Variants in PAX5 observed in about 807,000 individuals in gnomAD.
The protein encoded by PAX5 is paired box 5.
PAX5 carries 9 observed loss-of-function variants against 43.7 expected under a neutral mutation model. The ratio of observed to expected loss-of-function variants is 0.21; its 90% CI spans 0.12 to 0.36. The LOEUF (loss-of-function observed/expected upper bound fraction) is 0.36. Among genes scored for constraint, PAX5 ranks in the 10% least tolerant of loss-of-function variants. The pLI is 1.00. For missense variants in PAX5, 383 were observed against 532.7 expected (o/e 0.72, Z 2.77); for synonymous variants, 228 against 214.3 (o/e 1.06, Z -0.56).
Position 36,880,183 on chromosome 9 carries a change from G to A in PAX5, c.1012+1821C>T, listed in dbSNP as rs114609621. ...TTCTGTGCCAGGATGTGGCCATAGG[G>A]GAGCCAGCCTAGCTAAGATCCGTCC... On this transcript the variant is annotated intron_variant, in intron 8 of 9. Coordinates refer to ENST00000358127, the MANE Select transcript of PAX5 (RefSeq NM_016734.3). Among the ~76,000 whole-genome samples the A allele has an allele frequency of 2.6e-3, 392 of 152,354 alleles. 1 individual carries two copies. Among genetic ancestry groups the A allele is most frequent in the African/African-American group, 9.1e-3 (377 of 41,578 alleles).
At chr9:36,861,633 C>T (rs1012644484) in intron 8 of PAX5, among the ~76,000 whole-genome samples, 7 of 151,742 alleles carry the variant, frequency 4.6e-5, no homozygotes, top group African/African-American at 1.7e-4. Flanking sequence ...GCCCTCTAAG[C>T]AGAAGGAACA....
At chr9:36,923,513 A>C in intron 6 of PAX5, 29 bp from the exon 7 acceptor site, 22 of 1,595,104 alleles carry the variant, frequency 1.4e-5, no homozygotes, top group Non-Finnish European at 1.8e-5. Context: ...ACGTCTCAGC[A>C]CCAAGACTCC....
intron 6 of PAX5, among the ~76,000 whole-genome samples, chr9:36,939,359 G>A (rs10973133): frequency 0.45 from 67,783 of 151,850 alleles, 17,053 homozygotes; most frequent in Non-Finnish European, 0.58. Context: ...TAGCCGTTTG[G>A]GCAGGGCTGA....
chr9:36,902,924 C>T (rs1828528612), intron 7 of PAX5, among the ~76,000 whole-genome samples: 1 of 152,204 alleles, frequency 6.6e-6, no homozygotes, highest in African/African-American at 2.4e-5. Flanking sequence ...TGCCCAGAGC[C>T]CTAAGTGCAG....
chr9:37,001,057 G>A (rs758088475), intron 5 of PAX5, among the ~76,000 whole-genome samples: 6 of 152,108 alleles, frequency 3.9e-5, no homozygotes, highest in East Asian at 1.9e-4. Flanking sequence ...GTCCTCCTCC[G>A]GGCATGATCT....
intron 8 of PAX5, among the ~76,000 whole-genome samples, chr9:36,849,956 C>T (rs1822989735): frequency 6.6e-6 from 1 of 151,776 alleles, no homozygotes; most frequent in African/African-American, 2.4e-5. Context: ...GGAGCCCTCA[C>T]CCCATGAGAT....
chr9:37,017,529 A>G (rs1839483721), intron 2 of PAX5, among the ~76,000 whole-genome samples: 1 of 152,258 alleles, frequency 6.6e-6, no homozygotes, highest in South Asian at 2.1e-4. Context: ...CACTCAATTG[A>G]TAGTCACCGA....
intron 8 of PAX5, among the ~76,000 whole-genome samples, chr9:36,865,006 C>T (rs182484738): frequency 6.6e-4 from 101 of 152,328 alleles, no homozygotes; most frequent in Admixed American, 9.8e-4. Flanking sequence ...TTCCCGCCCG[C>T]GAAGGAACAA....
At chr9:36,857,775 A>G (rs1823815962) in intron 8 of PAX5, among the ~76,000 whole-genome samples, 1 of 152,238 alleles carries the variant, frequency 6.6e-6, no homozygotes, top group Non-Finnish European at 1.5e-5. Flanking sequence ...CGGTGCTGAC[A>G]TGGAATGGGC....
At chr9:36,971,256 TA>T (rs1329402011) in intron 5 of PAX5, among the ~76,000 whole-genome samples, 3 of 152,208 alleles carry the variant, frequency 2.0e-5, no homozygotes, top group African/African-American at 4.8e-5. Context: ...CGCATGGTCT[TA>T]AGAGGGGACC....
Position 36,840,130 on chromosome 9 carries a change from C to A in PAX5, c.*430G>T, listed in dbSNP as rs990194972. On this transcript the variant is annotated 3_prime_UTR_variant, in exon 10 of 10. Transcript: ENST00000358127. ...GATGCATCATGGGTGGAGCAGTCTT[C>A]TCAGTCGGACCTTCAGGCCCACAGA... is the stretch of plus-strand genomic sequence containing the variant. 6 of 375,880 alleles carry A rather than the reference C, an allele frequency of 1.6e-5. No homozygotes were observed. The highest frequency in any genetic ancestry group is 2.9e-5 in the Non-Finnish European group (6 of 203,402). 23.3% of individuals were successfully genotyped at this position (375,880 alleles called of 1,614,324 possible). A position where few individuals can be genotyped will look rare whatever the true frequency, so the allele number is the denominator to read the frequency against.
chr9:37,006,616 C>T (rs1202764062), intron 3 of PAX5, 79 bp from the exon 4 acceptor site: 3 of 1,123,952 alleles, frequency 2.7e-6, no homozygotes, highest in Non-Finnish European at 4.1e-6. Context: ...CACAGACAAC[C>T]AGAAAACTCA....
chr9:36,906,711 C>G (rs1470305655), intron 7 of PAX5, among the ~76,000 whole-genome samples: 1 of 152,194 alleles, frequency 6.6e-6, no homozygotes, highest in Non-Finnish European at 1.5e-5. Context: ...TCCCACCAGC[C>G]CCTCTGCTGG....
At chr9:36,869,264 G>GT (rs1441326688) in intron 8 of PAX5, among the ~76,000 whole-genome samples, 1 of 152,190 alleles carries the variant, frequency 6.6e-6, no homozygotes, top group Non-Finnish European at 1.5e-5. Flanking sequence ...AAAGACTGCA[G>GT]TAAGTACAGG....
At chr9:37,002,353 C>T (rs555405524) in intron 5 of PAX5, among the ~76,000 whole-genome samples, 1 of 152,328 alleles carries the variant, frequency 6.6e-6, no homozygotes, top group South Asian at 2.1e-4. Flanking sequence ...ACAGGGTCTT[C>T]TTAAAGGCCA....
chr9:36,934,165 T>C (rs534137201), intron 6 of PAX5, among the ~76,000 whole-genome samples: 2 of 152,214 alleles, frequency 1.3e-5, no homozygotes, highest in Admixed American at 6.5e-5. Context: ...CGGCCAAGTC[T>C]GTGCTGTGTG....
At chr9:36,964,028 C>T (rs370685823) in intron 6 of PAX5, among the ~76,000 whole-genome samples, 1 of 152,194 alleles carries the variant, frequency 6.6e-6, no homozygotes, top group African/African-American at 2.4e-5. Flanking sequence ...TGCCTGTAAT[C>T]CCAGCACTTT....
intron 6 of PAX5, among the ~76,000 whole-genome samples, chr9:36,934,146 A>G (rs1026449285): frequency 3.3e-5 from 5 of 152,232 alleles, no homozygotes; most frequent in Non-Finnish European, 5.9e-5. Flanking sequence ...ACAGACTTCA[A>G]GCCTGACACG....
intron 7 of PAX5, among the ~76,000 whole-genome samples, chr9:36,902,410 A>T (rs1828482911): frequency 1.3e-5 from 2 of 152,256 alleles, no homozygotes; most frequent in Non-Finnish European, 2.9e-5. Flanking sequence ...AGCACCTCAA[A>T]AAGGGAGGAG....
Sources: gnomAD v4.1 joint callset for allele counts (sites outside exome capture counted in the v4.1 genomes callset) on GRCh38, gnomAD v4.1.1 for gene constraint, MANE v1.5 for transcripts, NCBI Gene and HGNC (gene_info 2026-07-23, HGNC 2026-07-21) for gene names.